BCL2: variants seen among roughly 807,000 people sequenced by gnomAD.
BCL2 encodes apoptosis regulator Bcl-2.
In BCL2, 1 loss-of-function variant was observed where a neutral mutation model predicts 14.2. That is an observed-to-expected ratio of 0.07 (90% CI 0.02 to 0.33). The LOEUF is 0.33. BCL2 is among the 10% of genes least tolerant of loss of function. BCL2 has a pLI of 0.99. For missense variants in BCL2, 247 were observed against 305.9 expected, an observed-to-expected ratio of 0.81 and a Z score of 1.44; for synonymous variants, 151 against 137.2, an observed-to-expected ratio of 1.10 and a Z score of -0.70.
At chr18:63,188,999 G>GTTTTT (rs36046351) in intron 2 of BCL2, among the ~76,000 whole-genome samples, 2 of 139,906 alleles carry the variant, frequency 1.4e-5, no homozygotes, top group Non-Finnish European at 3.0e-5. Context: ...TTTTCCCCAA[G>GTTTTT]TTTTTTTTTT....
chr18:63,188,672 CTTAATTTGTA>C (rs1427460095), intron 2 of BCL2, among the ~76,000 whole-genome samples: 64 of 152,100 alleles, frequency 4.2e-4, no homozygotes, highest in African/African-American at 1.5e-3. Context: ...ATCAACAAAT[CTTAATTTGTA>C]TTAATTTGTA....
intron 2 of BCL2, among the ~76,000 whole-genome samples, chr18:63,248,459 G>T (rs1170155106): frequency 6.6e-6 from 1 of 152,172 alleles, no homozygotes; most frequent in Non-Finnish European, 1.5e-5. Flanking sequence ...AGAAATGGTG[G>T]TCAAATAACT....
At chr18:63,140,382 G>A (rs1914323597) in intron 2 of BCL2, among the ~76,000 whole-genome samples, 1 of 152,118 alleles carries the variant, frequency 6.6e-6, no homozygotes, top group Non-Finnish European at 1.5e-5. Context: ...AGCCAAAAGT[G>A]GAAATGACCC....
chr18:63,143,947 C>T (rs1252601826), intron 2 of BCL2, among the ~76,000 whole-genome samples: 1 of 152,160 alleles, frequency 6.6e-6, no homozygotes, highest in African/African-American at 2.4e-5. Flanking sequence ...TCATGCTCAT[C>T]ACCCAAATCA....
chr18:63,240,990 G>A (rs1910985836), intron 2 of BCL2, among the ~76,000 whole-genome samples: 1 of 152,228 alleles, frequency 6.6e-6, no homozygotes, highest in Non-Finnish European at 1.5e-5. Context: ...CATTTCCAGT[G>A]AAAAACCAGA....
chr18:63,236,707 AGGAGGAAGGGGCC>A (rs3842401), intron 2 of BCL2, among the ~76,000 whole-genome samples: 13,037 of 152,228 alleles, frequency 0.086, 598 homozygotes, highest in South Asian at 0.16. Context: ...TCTGCCGAAG[AGGAGGAAGGGGCC>A]GGAGGAAGTG....
chr18:63,291,739 T>C (rs74923745), intron 2 of BCL2, among the ~76,000 whole-genome samples: 1 of 151,650 alleles, frequency 6.6e-6, no homozygotes, highest in Admixed American at 6.6e-5. Context: ...TTTTTTTTTT[T>C]CTCAATAAAG....
chr18:63,286,667 A>T (rs1012622064), intron 2 of BCL2, among the ~76,000 whole-genome samples: 3 of 152,130 alleles, frequency 2.0e-5, no homozygotes, highest in African/African-American at 2.4e-5. Context: ...TCTGAAGGTC[A>T]TTGAAGGGGA....
intron 2 of BCL2, among the ~76,000 whole-genome samples, chr18:63,135,260 A>G (rs1471521605): frequency 6.6e-6 from 1 of 152,050 alleles, no homozygotes; most frequent in Non-Finnish European, 1.5e-5. Context: ...GCCTCCCTCA[A>G]CTTGCTTCCT....
At chr18:63,239,983 T>C (rs1259574089) in intron 2 of BCL2, among the ~76,000 whole-genome samples, 2 of 152,136 alleles carry the variant, frequency 1.3e-5, no homozygotes, top group African/African-American at 4.8e-5. Flanking sequence ...TATAATTTTA[T>C]CTTGATTTTT....
At chr18:63,299,429 C>T (rs1399565087) in intron 2 of BCL2, among the ~76,000 whole-genome samples, 1 of 152,242 alleles carries the variant, frequency 6.6e-6, no homozygotes, top group African/African-American at 2.4e-5. Flanking sequence ...CCAGCACCTT[C>T]ACTTGGGCAC....
intron 2 of BCL2, among the ~76,000 whole-genome samples, chr18:63,233,716 C>G (rs1910747309): frequency 6.6e-6 from 1 of 152,144 alleles, no homozygotes; most frequent in Non-Finnish European, 1.5e-5. Context: ...TGTACCGGTC[C>G]ATGGCCTGGG....
At chr18:63,319,955 C>T (rs1350687556), upstream of BCL2, 1 of 158,066 alleles carries the variant, frequency 6.3e-6, no homozygotes, top group East Asian at 1.5e-4. Context: ...ACGGCCGCCT[C>T]CCGGAGCTCC....
chr18:63,139,924 C>CA (rs1256683686), intron 2 of BCL2, among the ~76,000 whole-genome samples: 19 of 152,162 alleles, frequency 1.2e-4, no homozygotes, highest in African/African-American at 4.3e-4. Context: ...ATATGTCCAG[C>CA]AAAAAACTTA....
At chr18:63,144,485 T>C (rs959480078) in intron 2 of BCL2, among the ~76,000 whole-genome samples, 16 of 151,914 alleles carry the variant, frequency 1.1e-4, no homozygotes, top group Non-Finnish European at 1.5e-5. Context: ...TTTTCAACTA[T>C]ATTTTGCTTC....
chr18:63,212,837 C>T (rs1431258923), intron 2 of BCL2, among the ~76,000 whole-genome samples: 1 of 152,008 alleles, frequency 6.6e-6, no homozygotes, highest in Non-Finnish European at 1.5e-5. Context: ...GATCACACTG[C>T]TGCACTCCAG....
At chr18:63,160,999 T>G (rs1020462669) in intron 2 of BCL2, among the ~76,000 whole-genome samples, 1 of 152,134 alleles carries the variant, frequency 6.6e-6, no homozygotes, top group African/African-American at 2.4e-5. Context: ...CAAAAACAAT[T>G]CAAAATGTCC....
chr18:63,172,671 C>T (rs922017100), intron 2 of BCL2, among the ~76,000 whole-genome samples: 1 of 152,138 alleles, frequency 6.6e-6, no homozygotes, highest in African/African-American at 2.4e-5. Context: ...GTCCCAGCTA[C>T]TCGGGAGGCT....
intron 2 of BCL2, among the ~76,000 whole-genome samples, chr18:63,279,141 T>C (rs1912238505): frequency 6.6e-6 from 1 of 152,174 alleles, no homozygotes; most frequent in South Asian, 2.1e-4. Flanking sequence ...ATAGGCAACA[T>C]TGTCAAACAA....
Sources: gnomAD v4.1 joint callset for allele counts (sites outside exome capture counted in the v4.1 genomes callset) on GRCh38, gnomAD v4.1.1 for gene constraint, MANE v1.5 for transcripts, NCBI Gene and HGNC (gene_info 2026-07-23, HGNC 2026-07-21) for gene names.